Variants in ZNF804B observed in about 807,000 individuals in gnomAD.
ZNF804B encodes the protein zinc finger 804B.
Under a neutral mutation model 101.4 loss-of-function variants are expected in ZNF804B, and 80 were observed. The ratio of observed to expected loss-of-function variants is 0.79; its 90% CI spans 0.66 to 0.95. ZNF804B has a LOEUF of 0.95. Ranked by LOEUF, ZNF804B falls within the 40% of genes least tolerant of loss-of-function variation. ZNF804B has a pLI of 0.00. For synonymous variants in ZNF804B, 622 were observed against 558.8 expected (o/e 1.11, Z -1.59); for missense variants, 1,673 against 1,561.9 (o/e 1.07, Z -1.20).
At chr7:88,772,391 G>C (rs1268898527) in intron 1 of ZNF804B, among the ~76,000 whole-genome samples, 22 of 152,138 alleles carry the variant, frequency 1.4e-4, no homozygotes, top group Admixed American at 1.4e-3. Context: ...ATGATCATCA[G>C]GATGCATTCC....
At chr7:88,894,452 T>G (rs1482737623) in intron 1 of ZNF804B, among the ~76,000 whole-genome samples, 1 of 152,070 alleles carries the variant, frequency 6.6e-6, no homozygotes, top group Non-Finnish European at 1.5e-5. Flanking sequence ...CCTTAAGTGA[T>G]CCACCCACGT....
At chr7:88,888,964 C>A (rs146730369) in intron 1 of ZNF804B, among the ~76,000 whole-genome samples, 3 of 152,174 alleles carry the variant, frequency 2.0e-5, no homozygotes, top group Admixed American at 6.5e-5. Flanking sequence ...TCAAGTAGTC[C>A]CCAGTGTCTG....
At chr7:88,943,542 C>G (rs1793085636) in intron 1 of ZNF804B, among the ~76,000 whole-genome samples, 1 of 151,868 alleles carries the variant, frequency 6.6e-6, no homozygotes, top group Non-Finnish European at 1.5e-5. Flanking sequence ...GGAGTCTTCA[C>G]TTTTGTAGAG....
chr7:88,931,295 T>C (rs1256277804), intron 1 of ZNF804B, among the ~76,000 whole-genome samples: 4 of 151,874 alleles, frequency 2.6e-5, no homozygotes, highest in Admixed American at 2.0e-4. Context: ...AAATAATTGG[T>C]ATTTATATTT....
intron 1 of ZNF804B, among the ~76,000 whole-genome samples, chr7:89,073,974 A>G (rs562343615): frequency 6.6e-6 from 1 of 152,250 alleles, no homozygotes; most frequent in South Asian, 2.1e-4. Context: ...GGATTTTTCA[A>G]TTTGTAGGAC....
At chr7:89,318,816 A>T (rs2115962940) in intron 2 of ZNF804B, among the ~76,000 whole-genome samples, 1 of 152,248 alleles carries the variant, frequency 6.6e-6, no homozygotes, top group South Asian at 2.1e-4. Flanking sequence ...GGAATTAAAG[A>T]CACACGCACA....
chr7:89,013,072 G>A (rs937937144), intron 1 of ZNF804B, among the ~76,000 whole-genome samples: 1 of 152,096 alleles, frequency 6.6e-6, no homozygotes, highest in Non-Finnish European at 1.5e-5. Context: ...TCATCATGAT[G>A]ACACCATAGG....
intron 1 of ZNF804B, among the ~76,000 whole-genome samples, chr7:88,954,701 A>G (rs1793277189): frequency 1.3e-5 from 2 of 151,708 alleles, no homozygotes; most frequent in Admixed American, 6.6e-5. Flanking sequence ...CTGTTAAGGT[A>G]TCTTTAGTTT....
At chr7:89,018,525 G>T (rs773326423) in intron 1 of ZNF804B, among the ~76,000 whole-genome samples, 36 of 151,900 alleles carry the variant, frequency 2.4e-4, no homozygotes, top group Admixed American at 9.2e-4. Flanking sequence ...TCAGAGTTTT[G>T]CTGGCCTTGC....
intron 1 of ZNF804B, among the ~76,000 whole-genome samples, chr7:89,151,556 A>G (rs1790876617): frequency 6.6e-6 from 1 of 152,146 alleles, no homozygotes; most frequent in African/African-American, 2.4e-5. Context: ...GATTATTGCC[A>G]TTAAATTTCA....
At chr7:88,835,881 T>TTG (rs1234759619) in intron 1 of ZNF804B, among the ~76,000 whole-genome samples, 4 of 151,936 alleles carry the variant, frequency 2.6e-5, no homozygotes, top group African/African-American at 9.7e-5. Flanking sequence ...CATATGCAGA[T>TTG]TGTGTGCATG....
chr7:89,301,051 CT>C, intron 2 of ZNF804B, among the ~76,000 whole-genome samples: 1 of 147,870 alleles, frequency 6.8e-6, no homozygotes, highest in African/African-American at 2.5e-5. Flanking sequence ...GATAAAAATC[CT>C]CTTATATTTA....
intron 1 of ZNF804B, among the ~76,000 whole-genome samples, chr7:89,183,889 A>C (rs553477973): frequency 6.6e-6 from 1 of 152,216 alleles, no homozygotes; most frequent in East Asian, 1.9e-4. Flanking sequence ...AGAAATGACA[A>C]GCGCTGGAAA....
chr7:88,868,170 T>C (rs1791765187), intron 1 of ZNF804B, among the ~76,000 whole-genome samples: 1 of 151,896 alleles, frequency 6.6e-6, no homozygotes. Flanking sequence ...ATGTCGAAGG[T>C]AGTACATAGC....
chr7:89,164,141 A>G (rs1791108731), intron 1 of ZNF804B, among the ~76,000 whole-genome samples: 3 of 152,038 alleles, frequency 2.0e-5, no homozygotes, highest in South Asian at 2.1e-4. Flanking sequence ...AACACTACAT[A>G]TTCTACTATA....
intron 1 of ZNF804B, among the ~76,000 whole-genome samples, chr7:89,192,146 A>C (rs1788464345): frequency 6.6e-6 from 1 of 152,088 alleles, no homozygotes; most frequent in African/African-American, 2.4e-5. Context: ...CACATATTTA[A>C]AGTGCACAGT....
chr7:89,044,111 G>C (rs1168517343), intron 1 of ZNF804B, among the ~76,000 whole-genome samples: 1 of 152,188 alleles, frequency 6.6e-6, no homozygotes, highest in African/African-American at 2.4e-5. Context: ...GCATTCAGTG[G>C]AAGGTAACTG....
At chr7:89,181,681 G>A (rs1788301609) in intron 1 of ZNF804B, among the ~76,000 whole-genome samples, 1 of 152,144 alleles carries the variant, frequency 6.6e-6, no homozygotes, top group Non-Finnish European at 1.5e-5. Flanking sequence ...CAATTCTTAT[G>A]AAGTTATTTT....
intron 1 of ZNF804B, among the ~76,000 whole-genome samples, chr7:89,065,261 C>G (rs1055298369): frequency 6.6e-6 from 1 of 152,128 alleles, no homozygotes; most frequent in Non-Finnish European, 1.5e-5. Flanking sequence ...CACTGGCTGC[C>G]TTTCTTCTCA....
Sources: gnomAD v4.1 joint callset for allele counts (sites outside exome capture counted in the v4.1 genomes callset) on GRCh38, gnomAD v4.1.1 for gene constraint, MANE v1.5 for transcripts, NCBI Gene and HGNC (gene_info 2026-07-23, HGNC 2026-07-21) for gene names.